The following ZNF804A variants were observed in gnomAD, a reference collection of about 807,000 sequenced individuals.
ZNF804A encodes zinc finger protein 804A.
Under a neutral mutation model 16.5 loss-of-function variants are expected in ZNF804A, and 2 were observed. The ratio of observed to expected loss-of-function variants is 0.12; its 90% CI spans 0.05 to 0.38. ZNF804A has a LOEUF of 0.38. Ranked by LOEUF, ZNF804A falls within the 10% of genes least tolerant of loss-of-function variation. The pLI is 0.99. For synonymous variants in ZNF804A, 534 were observed against 489.6 expected (o/e 1.09, Z -1.20); for missense variants, 1,473 against 1,390.7 (o/e 1.06, Z -0.94).
rs536256084 is a variant in ZNF804A, at chr2:184,757,989, G to C, written c.112-108380G>C. Among the ~76,000 whole-genome samples the C allele has an allele frequency of 3.3e-5, 5 of 152,064 alleles. No individual in the cohort carries two copies. In the South Asian group the frequency reaches 1.0e-3, roughly 32 times the overall value. ...CTGTGTAGCCTTCTTCTGTTTTATT[G>C]ATGGGCTCTTTCTGTTTCAAGAATT... On this transcript the variant is annotated intron_variant, in intron 1 of 3. Coordinates refer to ENST00000302277, the MANE Select transcript of ZNF804A (RefSeq NM_194250.2).
At chr2:184,844,496 GGTT>G (rs1360385684) in intron 1 of ZNF804A, among the ~76,000 whole-genome samples, 1 of 151,822 alleles carries the variant, frequency 6.6e-6, no homozygotes, top group African/African-American at 2.4e-5. Flanking sequence ...TAGAATTCTA[GGTT>G]GTTGTTTTTT....
intron 1 of ZNF804A, among the ~76,000 whole-genome samples, chr2:184,649,360 C>T (rs1691942483): frequency 6.6e-6 from 1 of 152,048 alleles, no homozygotes; most frequent in African/African-American, 2.4e-5. Context: ...TCTAACATTA[C>T]ATTCAGAGGA....
At chr2:184,903,971 T>G (rs1181891677) in intron 2 of ZNF804A, among the ~76,000 whole-genome samples, 1 of 152,066 alleles carries the variant, frequency 6.6e-6, no homozygotes, top group Admixed American at 6.6e-5. Flanking sequence ...AAGAAAACTC[T>G]AAAGATTCCC....
chr2:184,659,482 A>G (rs965606840), intron 1 of ZNF804A, among the ~76,000 whole-genome samples: 6 of 152,096 alleles, frequency 3.9e-5, no homozygotes, highest in Admixed American at 3.3e-4. Flanking sequence ...TATAAAACAA[A>G]TATATATACA....
At chr2:184,712,602 C>T (rs917683714) in intron 1 of ZNF804A, among the ~76,000 whole-genome samples, 5 of 151,700 alleles carry the variant, frequency 3.3e-5, no homozygotes, top group African/African-American at 1.2e-4. Flanking sequence ...GCCATTATTT[C>T]TTTAAATAAG....
chr2:184,691,115 G>T (rs922624162), intron 1 of ZNF804A, among the ~76,000 whole-genome samples: 1 of 151,980 alleles, frequency 6.6e-6, no homozygotes, highest in African/African-American at 2.4e-5. Flanking sequence ...ACACTTTTGT[G>T]TTGGGGCTTT....
rs191570335 is a variant in ZNF804A at position 184,936,565 on chromosome 2, T to C, written c.1169T>C (p.Val390Ala). Residue 390 changes from valine (V) to alanine (A), a missense_variant, in exon 4 of 4, where the codon GTT becomes GCT. Coordinates refer to ENST00000302277, the MANE Select transcript of ZNF804A (RefSeq NM_194250.2). ...CATAACGAGGCATCCACAACTGAGG[T>C]TGAAAATAAAAATGGTCCCGAGACA... ...VKHNEASTTE[V>A]ENKNGPETLA... is the part of the protein sequence containing the mutation. 3.1e-6 allele frequency: 5 copies of C among 1,613,868 alleles called. No homozygotes were observed. The highest frequency in any genetic ancestry group is 2.2e-5 in the East Asian group (1 of 44,826).
intron 2 of ZNF804A, among the ~76,000 whole-genome samples, chr2:184,879,707 A>G (rs1025679988): frequency 2.6e-5 from 4 of 152,042 alleles, no homozygotes; most frequent in African/African-American, 7.2e-5. Context: ...ACTGACACAC[A>G]TCTACATATA....
At chr2:184,618,426 C>T (rs928552167) in intron 1 of ZNF804A, among the ~76,000 whole-genome samples, 2 of 151,998 alleles carry the variant, frequency 1.3e-5, no homozygotes, top group African/African-American at 2.4e-5. Context: ...GTTTAATGTA[C>T]ATTATATATT....
intron 1 of ZNF804A, among the ~76,000 whole-genome samples, chr2:184,750,689 C>G (rs1028893274): frequency 6.6e-6 from 1 of 151,360 alleles, no homozygotes; most frequent in African/African-American, 2.4e-5. Context: ...TTTATAAGAA[C>G]ACAACATAAG....
chr2:184,937,084 T>C lies in ZNF804A; in HGVS notation c.1688T>C (p.Phe563Ser). 1 of 1,603,020 alleles carries C rather than the reference T, an allele frequency of 6.2e-7. No homozygotes were observed. The highest frequency in any genetic ancestry group is 1.8e-5 in the Admixed American group (1 of 56,570). Reference protein sequence around the residue: ...CKIRETEKYNFTKSQIKQDTL... With the variant: ...CKIRETEKYNSTKSQIKQDTL... ...ATCAGAGAAACAGAAAAGTATAATT[T>C]TACTAAAAGTCAAATAAAACAGGAC... Residue 563 changes from phenylalanine to serine, a missense_variant, in exon 4 of 4, where the codon TTT (phenylalanine) becomes TCT (serine). Physicochemically the swap from Phe to Ser is radical, Grantham distance 155. Coordinates refer to ENST00000302277, the MANE Select transcript of ZNF804A (RefSeq NM_194250.2).
At chr2:184,636,236 G>T (rs1691693539) in intron 1 of ZNF804A, among the ~76,000 whole-genome samples, 1 of 150,962 alleles carries the variant, frequency 6.6e-6, no homozygotes, top group Non-Finnish European at 1.5e-5. Flanking sequence ...TTTTTTTAAT[G>T]TTTCTCCCAT....
At position 184,937,264 on chromosome 2, in the gene ZNF804A, A is replaced by G; in HGVS notation, c.1868A>G (p.Glu623Gly). ...GAAACTCGCTGCAAAATGGAAGCAGAGAATAGTTACACTGAAAATGCTGGG... is the reference window on the plus strand; with the variant it reads ...GAAACTCGCTGCAAAATGGAAGCAGGGAATAGTTACACTGAAAATGCTGGG... Reference protein sequence around the residue: ...ESETRCKMEAENSYTENAGKY... With the variant: ...ESETRCKMEAGNSYTENAGKY... The change falls in exon 4 of 4, where the codon GAG becomes GGG. Residue 623 changes from glutamate to glycine, a missense_variant. By Grantham distance (98) the Glu-to-Gly change is moderately conservative (BLOSUM62 -2). Coordinates refer to ENST00000302277, the MANE Select transcript of ZNF804A (RefSeq NM_194250.2). 5 of 1,613,412 alleles carry G rather than the reference A, an allele frequency of 3.1e-6. No homozygotes were observed. Among genetic ancestry groups the G allele is most frequent in the Non-Finnish European group, 3.4e-6 (4 of 1,179,794 alleles).
intron 1 of ZNF804A, among the ~76,000 whole-genome samples, chr2:184,789,778 C>A (rs1170667069): frequency 1.3e-5 from 2 of 151,988 alleles, no homozygotes; most frequent in Non-Finnish European, 2.9e-5. Flanking sequence ...AAGAAACCAA[C>A]TTTTAGTTTC....
At chr2:184,856,194 G>C (rs868347040) in intron 1 of ZNF804A, among the ~76,000 whole-genome samples, 3 of 151,952 alleles carry the variant, frequency 2.0e-5, no homozygotes, top group African/African-American at 2.4e-5. Flanking sequence ...AAGCATATCA[G>C]TTTATAAAAT....
intron 1 of ZNF804A, among the ~76,000 whole-genome samples, chr2:184,820,409 A>G (rs956422110): frequency 6.6e-6 from 1 of 152,106 alleles, no homozygotes; most frequent in Admixed American, 6.6e-5. Flanking sequence ...TATTGAAGGA[A>G]TATACCTCAA....
intron 2 of ZNF804A, among the ~76,000 whole-genome samples, chr2:184,911,063 A>C (rs542569770): frequency 5.0e-4 from 76 of 152,160 alleles, no homozygotes; most frequent in African/African-American, 1.8e-3. Flanking sequence ...ATCAATGTCC[A>C]GAATGGTGTT....
chr2:184,738,613 A>T (rs1222986171), intron 1 of ZNF804A, among the ~76,000 whole-genome samples: 2 of 152,158 alleles, frequency 1.3e-5, no homozygotes, highest in Non-Finnish European at 2.9e-5. Flanking sequence ...TGCTGCATTC[A>T]CTTTGTGCAT....
At chr2:184,913,829 T>C (rs1431187296) in intron 2 of ZNF804A, among the ~76,000 whole-genome samples, 1 of 152,154 alleles carries the variant, frequency 6.6e-6, no homozygotes, top group Non-Finnish European at 1.5e-5. Flanking sequence ...ACCTCACTAC[T>C]CATGTGCCTG....
Sources: allele counts gnomAD v4.1 joint callset (sites outside exome capture counted in the v4.1 genomes callset), GRCh38; gene constraint gnomAD v4.1.1; transcripts MANE v1.5; gene names NCBI Gene and HGNC (gene_info 2026-07-23, HGNC 2026-07-21).